ANO1: variants seen among roughly 807,000 people sequenced by gnomAD.
ANO1 encodes the protein anoctamin 1, also known as anoctamin-1.
ANO1 carries 59 observed loss-of-function variants against 124.0 expected under a neutral mutation model. That is an observed-to-expected ratio of 0.48 (90% CI 0.39 to 0.59). The LOEUF (loss-of-function observed/expected upper bound fraction) is 0.59, where lower values mean the gene tolerates loss of function less well. Ranked by LOEUF, ANO1 falls within the 20% of genes least tolerant of loss-of-function variation. ANO1 has a pLI of 0.00. For synonymous variants in ANO1, 529 were observed against 532.0 expected, an observed-to-expected ratio of 0.99 and a Z score of 0.08; for missense variants, 1,059 against 1,328.0, an observed-to-expected ratio of 0.80 and a Z score of 3.15.
At chr11:69,974,700 C>A in the ANO1 span, among the ~76,000 whole-genome samples, 1 of 152,154 alleles carries the variant, frequency 6.6e-6, no homozygotes, top group African/African-American at 2.4e-5. Context: ...AGGAGAGAAA[C>A]ACAAGCTGTT....
At chr11:70,148,844 C>T (rs2047479297) in intron 11 of ANO1, among the ~76,000 whole-genome samples, 1 of 152,192 alleles carries the variant, frequency 6.6e-6, no homozygotes, top group Non-Finnish European at 1.5e-5. Flanking sequence ...GACGGGGATC[C>T]TGATGGAAGG....
the ANO1 span, among the ~76,000 whole-genome samples, chr11:69,967,977 C>G: frequency 6.6e-6 from 1 of 152,178 alleles, no homozygotes; most frequent in Non-Finnish European, 1.5e-5. Context: ...TCGCATTGAT[C>G]TTGTCTTACA....
At chr11:70,138,632 C>T (rs2047037968) in intron 11 of ANO1, among the ~76,000 whole-genome samples, 1 of 152,188 alleles carries the variant, frequency 6.6e-6, no homozygotes, top group African/African-American at 2.4e-5. Context: ...AGGTAAATAG[C>T]TCTATGACCC....
In ANO1 at chr11:70,078,955, C is replaced by G. The variant is rs1207899176; in HGVS notation, c.108+241C>G. 2.0e-5 allele frequency among the ~76,000 whole-genome samples: 3 copies of G among 151,946 alleles called. No homozygotes were observed. The East Asian group carries it at 5.9e-4, about 30-fold the overall frequency. On this transcript the variant is annotated intron_variant, in intron 1 of 25. Transcript: ENST00000355303. ...AGCGCGGCGCCCACTCCGCCCAGCG[C>G]AGCGCCGGGCCCCCAGGCATGGCCC...
intron 1 of ANO1, among the ~76,000 whole-genome samples, chr11:70,034,212 C>T (rs1857056223): frequency 1.3e-5 from 2 of 152,084 alleles, no homozygotes; most frequent in Non-Finnish European, 2.9e-5. Context: ...CGATACCTAG[C>T]CTAGAAAATC....
At chr11:70,093,748 C>T (rs776972906) in intron 2 of ANO1, among the ~76,000 whole-genome samples, 1 of 152,252 alleles carries the variant, frequency 6.6e-6, no homozygotes, top group Non-Finnish European at 1.5e-5. Flanking sequence ...ATCTGTTCGC[C>T]ATCTTCATGG....
chr11:70,008,111 T>C (rs1856526497), intron 1 of ANO1, among the ~76,000 whole-genome samples: 1 of 138,608 alleles, frequency 7.2e-6, no homozygotes, highest in South Asian at 2.3e-4. Flanking sequence ...GAGTATTTGA[T>C]TTTGTTGTTG....
chr11:70,034,109 C>T (rs1857054177), intron 1 of ANO1, among the ~76,000 whole-genome samples: 1 of 152,152 alleles, frequency 6.6e-6, no homozygotes, highest in Admixed American at 6.5e-5. Context: ...TTTCATTGCG[C>T]ATGGAGCCCC....
chr11:70,155,881 C>G (rs910687142), intron 14 of ANO1, 30 bp from the exon 15 acceptor site: 4 of 1,528,348 alleles, frequency 2.6e-6, no homozygotes, highest in African/African-American at 2.8e-5. Flanking sequence ...CTTCACCGCA[C>G]GGTGCTCTCT....
At chr11:69,979,416 G>A in the ANO1 span, among the ~76,000 whole-genome samples, 7 of 152,270 alleles carry the variant, frequency 4.6e-5, no homozygotes, top group Middle Eastern at 3.4e-3. Context: ...AAATTCTGCC[G>A]CTTACCAGCT....
chr11:70,068,532 T>TGGG (rs1555008927), intron 1 of ANO1, among the ~76,000 whole-genome samples: 2 of 151,986 alleles, frequency 1.3e-5, no homozygotes, highest in Non-Finnish European at 2.9e-5. Context: ...TGGAAGGGGC[T>TGGG]GGGAGTGGGG....
intron 1 of ANO1, among the ~76,000 whole-genome samples, chr11:70,003,612 T>G (rs1384096135): frequency 1.3e-5 from 1 of 77,802 alleles, no homozygotes. Context: ...GATGGATGGA[T>G]GGATGGATGG....
chr11:70,007,587 T>G (rs1289235371), intron 1 of ANO1, among the ~76,000 whole-genome samples: 1 of 152,168 alleles, frequency 6.6e-6, no homozygotes, highest in Non-Finnish European at 1.5e-5. Flanking sequence ...GCCACCTCCT[T>G]TCTTTTTAAG....
At chr11:70,086,237 T>A (rs2509129) in intron 1 of ANO1, among the ~76,000 whole-genome samples, 131,983 of 152,182 alleles carry the variant, frequency 0.87, 57,613 homozygotes, top group Non-Finnish European at 0.92. Flanking sequence ...GCATGGCTTT[T>A]TTTATTTTTT....
intron 1 of ANO1, 30 bp from the exon 2 acceptor site, chr11:70,087,722 G>A (rs2044439438): frequency 2.6e-6 from 4 of 1,548,458 alleles, no homozygotes; most frequent in Non-Finnish European, 2.6e-6. Flanking sequence ...CAGCTCGATG[G>A]TGAATGGGTG....
intron 11 of ANO1, among the ~76,000 whole-genome samples, chr11:70,133,745 G>A (rs764102870): frequency 1.3e-5 from 2 of 152,212 alleles, no homozygotes; most frequent in African/African-American, 2.4e-5. Flanking sequence ...CCTGCTTGGC[G>A]CAGATATCCT....
At chr11:70,154,623 C>T (rs1232508799) in intron 14 of ANO1, among the ~76,000 whole-genome samples, 2 of 151,720 alleles carry the variant, frequency 1.3e-5, no homozygotes, top group East Asian at 3.9e-4. Flanking sequence ...CCCACCACCA[C>T]ACCCAGCTAA....
At chr11:70,019,590 G>C (rs1856765147) in intron 1 of ANO1, among the ~76,000 whole-genome samples, 1 of 152,072 alleles carries the variant, frequency 6.6e-6, no homozygotes, top group Non-Finnish European at 1.5e-5. Context: ...TGCATTCAGT[G>C]ACATCACCCT....
At chr11:70,015,470 C>T (rs573933368) in intron 1 of ANO1, among the ~76,000 whole-genome samples, 1 of 152,248 alleles carries the variant, frequency 6.6e-6, no homozygotes, top group Admixed American at 6.5e-5. Flanking sequence ...CACTCACTGA[C>T]CCGGAGGCAG....
Sources: gnomAD v4.1 joint callset for allele counts (sites outside exome capture counted in the v4.1 genomes callset) on GRCh38, gnomAD v4.1.1 for gene constraint, MANE v1.5 for transcripts, NCBI Gene and HGNC (gene_info 2026-07-23, HGNC 2026-07-21) for gene names.